Variants in STAG1 observed in about 807,000 individuals in gnomAD.
The protein encoded by STAG1 is STAG1 cohesin complex component, also known as cohesin subunit SA-1.
A neutral mutation model predicts 170.9 loss-of-function variants in STAG1; 26 were observed. That is an observed-to-expected ratio of 0.15 (90% CI 0.11 to 0.21). STAG1 has a LOEUF of 0.21. STAG1 is among the 10% of genes least tolerant of loss of function. The probability of loss-of-function intolerance (pLI) is 1.00; values close to 1 mark genes in which losing one functional copy is unlikely to be tolerated. For synonymous variants in STAG1, 514 were observed against 497.7 expected, an observed-to-expected ratio of 1.03 and a Z score of -0.44; for missense variants, 964 against 1,509.5, an observed-to-expected ratio of 0.64 and a Z score of 5.99.
chr3:136,468,981 G>A (rs572590578), intron 12 of STAG1, among the ~76,000 whole-genome samples: 33 of 152,204 alleles, frequency 2.2e-4, no homozygotes, highest in East Asian at 5.8e-4. Context: ...TTGATGGGAC[G>A]TATCTCAAAA....
At chr3:136,695,405 C>T (rs539096874) in intron 1 of STAG1, among the ~76,000 whole-genome samples, 9 of 151,468 alleles carry the variant, frequency 5.9e-5, no homozygotes, top group South Asian at 2.1e-4. Context: ...CCACTGCACT[C>T]CAGCCTGGGC....
At chr3:136,551,032 A>T (rs533647245) in intron 5 of STAG1, among the ~76,000 whole-genome samples, 1 of 152,036 alleles carries the variant, frequency 6.6e-6, no homozygotes. Flanking sequence ...CTCCTTTGTA[A>T]ATTACATTTC....
chr3:136,499,344 C>T (rs1405226200), intron 9 of STAG1, among the ~76,000 whole-genome samples: 2 of 152,046 alleles, frequency 1.3e-5, no homozygotes, highest in East Asian at 1.9e-4. Flanking sequence ...ACTACCACAC[C>T]GGGCTGATTT....
At chr3:136,546,435 C>A (rs576383307) in intron 5 of STAG1, among the ~76,000 whole-genome samples, 3 of 152,038 alleles carry the variant, frequency 2.0e-5, no homozygotes, top group East Asian at 3.9e-4. Context: ...TAAAGAAAAT[C>A]GAGAACTCAG....
chr3:136,618,532 G>C (rs542118326), intron 3 of STAG1, among the ~76,000 whole-genome samples: 1 of 152,236 alleles, frequency 6.6e-6, no homozygotes, highest in South Asian at 2.1e-4. Context: ...ATGCAAATAT[G>C]AAAGTTAAAT....
At chr3:136,586,982 G>A (rs1420730806) in intron 4 of STAG1, 5 of 433,204 alleles carry the variant, frequency 1.2e-5, no homozygotes, top group African/African-American at 4.1e-5. Context: ...ATCATCCTAT[G>A]AAGAAAAGAT....
intron 4 of STAG1, among the ~76,000 whole-genome samples, chr3:136,576,555 G>A (rs1166496608): frequency 6.6e-6 from 1 of 152,072 alleles, no homozygotes; most frequent in Non-Finnish European, 1.5e-5. Flanking sequence ...TTAATATTCT[G>A]TCTTGTTCCA....
intron 7 of STAG1, 98 bp from the exon 8 acceptor site, chr3:136,502,877 T>C: frequency 1.0e-6 from 1 of 991,420 alleles, no homozygotes; most frequent in Non-Finnish European, 1.4e-6. Flanking sequence ...ATGAAACTAG[T>C]GAATTTCTGT....
At chr3:136,518,230 C>T (rs995835514) in intron 7 of STAG1, 6 of 569,208 alleles carry the variant, frequency 1.1e-5, no homozygotes, top group African/African-American at 9.5e-5. Context: ...CACATCTGTA[C>T]CCTACAAAAT....
At chr3:136,627,450 G>A (rs9820513) in intron 2 of STAG1, among the ~76,000 whole-genome samples, 52,879 of 151,854 alleles carry the variant, frequency 0.35, 10,342 homozygotes, top group African/African-American at 0.52. Flanking sequence ...TTTTTTAAGT[G>A]TTACATACAT....
At position 136,352,406 on chromosome 3, in the gene STAG1, C is replaced by T. The variant is rs555685890; in HGVS notation, c.3066-3043G>A. Among the ~76,000 whole-genome samples the T allele has an allele frequency of 9.9e-5, 15 of 152,206 alleles. No homozygotes were observed. In the East Asian group the frequency reaches 2.5e-3, roughly 25 times the overall value. On this transcript the variant is annotated intron_variant, in intron 28 of 33. Transcript: ENST00000383202. ...AACTCGTGAGCTCAAGTGATCGGTC[C>T]GCCTTGGCCTCCCAAAGTGCTGGGA... is the stretch of plus-strand genomic sequence containing the variant.
At chr3:136,512,335 T>G (rs917537221) in intron 7 of STAG1, among the ~76,000 whole-genome samples, 1 of 152,002 alleles carries the variant, frequency 6.6e-6, no homozygotes, top group Non-Finnish European at 1.5e-5. Flanking sequence ...TTTAGCTTAG[T>G]AGAATCCAGA....
intron 21 of STAG1, among the ~76,000 whole-genome samples, chr3:136,414,965 T>A (rs2087731810): frequency 6.6e-6 from 1 of 152,148 alleles, no homozygotes; most frequent in South Asian, 2.1e-4. Flanking sequence ...AAAACACACA[T>A]AACATTGATG....
At chr3:136,441,016 C>A (rs996632871) in intron 15 of STAG1, among the ~76,000 whole-genome samples, 1 of 144,734 alleles carries the variant, frequency 6.9e-6, no homozygotes, top group Admixed American at 7.3e-5. Flanking sequence ...AACTTAACAA[C>A]AGGACCATCT....
intron 1 of STAG1, among the ~76,000 whole-genome samples, chr3:136,678,146 T>C (rs138500679): frequency 6.6e-6 from 1 of 150,632 alleles, no homozygotes; most frequent in African/African-American, 2.4e-5. Context: ...TTTTATGTAA[T>C]TCAAATTAGA....
At chr3:136,490,403 TTATTAA>T (rs1228666448) in intron 9 of STAG1, among the ~76,000 whole-genome samples, 2 of 152,200 alleles carry the variant, frequency 1.3e-5, no homozygotes, top group African/African-American at 4.8e-5. Flanking sequence ...TTGTTGCTAA[TTATTAA>T]TAAGTAAAAA....
chr3:136,498,706 A>C (rs1400890734), intron 9 of STAG1, among the ~76,000 whole-genome samples: 1 of 152,084 alleles, frequency 6.6e-6, no homozygotes, highest in Non-Finnish European at 1.5e-5. Context: ...AAAAAAAAAA[A>C]ACAAAGACTG....
chr3:136,438,041 A>G (rs889031290), intron 15 of STAG1, among the ~76,000 whole-genome samples: 3 of 152,194 alleles, frequency 2.0e-5, no homozygotes, highest in African/African-American at 7.2e-5. Context: ...AAGTTCACTT[A>G]TAAACTAAAA....
At chr3:136,612,249 A>C (rs535614928) in intron 3 of STAG1, among the ~76,000 whole-genome samples, 1 of 152,274 alleles carries the variant, frequency 6.6e-6, no homozygotes, top group African/African-American at 2.4e-5. Context: ...CTCAACCGTA[A>C]CTGGAGTCTA....
Sources: gnomAD v4.1 joint callset for allele counts (sites outside exome capture counted in the v4.1 genomes callset) on GRCh38, gnomAD v4.1.1 for gene constraint, MANE v1.5 for transcripts, NCBI Gene and HGNC (gene_info 2026-07-23, HGNC 2026-07-21) for gene names.